Variants in CADM2 observed in about 807,000 individuals in gnomAD.
CADM2 encodes immunoglobulin superfamily member 4D.
Under a neutral mutation model 49.8 loss-of-function variants are expected in CADM2, and 12 were observed. The observed-to-expected ratio is 0.24, with a 90% CI of 0.15 to 0.39. CADM2 has a LOEUF of 0.39. CADM2 is among the 10% of genes least tolerant of loss of function. The probability of loss-of-function intolerance (pLI) is 1.00; values close to 1 mark genes in which losing one functional copy is unlikely to be tolerated. For synonymous variants in CADM2, 214 were observed against 175.4 expected (o/e 1.22, Z -1.74); for missense variants, 378 against 492.3 (o/e 0.77, Z 2.20).
intron 1 of CADM2, among the ~76,000 whole-genome samples, chr3:85,706,484 A>G (rs2066956133): frequency 6.6e-6 from 1 of 152,026 alleles, no homozygotes; most frequent in Admixed American, 6.6e-5. Context: ...CTAATGATAC[A>G]TTATGTTTTT....
At chr3:85,894,765 G>T (rs1457993249) in intron 5 of CADM2, among the ~76,000 whole-genome samples, 1 of 152,156 alleles carries the variant, frequency 6.6e-6, no homozygotes, top group Non-Finnish European at 1.5e-5. Context: ...GGCTAAAAGG[G>T]GCCAACTTAC....
chr3:85,453,228 A>T (rs564983747), intron 1 of CADM2, among the ~76,000 whole-genome samples: 4 of 152,024 alleles, frequency 2.6e-5, no homozygotes, highest in African/African-American at 9.6e-5. Context: ...TTATTATTTC[A>T]TGTAAGTATA....
At chr3:85,933,588 A>G (rs1021726793) in intron 6 of CADM2, among the ~76,000 whole-genome samples, 4 of 152,082 alleles carry the variant, frequency 2.6e-5, no homozygotes, top group African/African-American at 9.7e-5. Context: ...AAGGAGATTT[A>G]TTGTGAGGAA....
At chr3:85,752,388 A>T (rs1577228204) in intron 2 of CADM2, among the ~76,000 whole-genome samples, 1 of 86,640 alleles carries the variant, frequency 1.2e-5, no homozygotes, top group Non-Finnish European at 2.6e-5. Flanking sequence ...CAAATATAAG[A>T]TATGCAGCCC....
chr3:85,527,102 G>A (rs1283160631), intron 1 of CADM2, among the ~76,000 whole-genome samples: 2 of 152,000 alleles, frequency 1.3e-5, no homozygotes, highest in African/African-American at 4.8e-5. Flanking sequence ...CAGTTCTATA[G>A]AGGCCAGGCA....
chr3:85,334,700 G>A (rs927163101), intron 1 of CADM2, among the ~76,000 whole-genome samples: 1 of 151,346 alleles, frequency 6.6e-6, no homozygotes, highest in East Asian at 1.9e-4. Flanking sequence ...GCCTTAAGAA[G>A]GTTCTAAATC....
At chr3:85,941,466 G>T (rs1301242702) in intron 7 of CADM2, among the ~76,000 whole-genome samples, 1 of 151,972 alleles carries the variant, frequency 6.6e-6, no homozygotes, top group South Asian at 2.1e-4. Context: ...CAGCAACTTC[G>T]ATATTTTATT....
intron 1 of CADM2, among the ~76,000 whole-genome samples, chr3:85,044,081 C>T (rs2035554104): frequency 6.6e-6 from 1 of 151,982 alleles, no homozygotes; most frequent in East Asian, 1.9e-4. Context: ...GGGAAAGGAA[C>T]TAGATCATCC....
At chr3:85,269,891 A>G (rs1317899710) in intron 1 of CADM2, among the ~76,000 whole-genome samples, 1 of 151,332 alleles carries the variant, frequency 6.6e-6, no homozygotes, top group East Asian at 1.9e-4. Context: ...AAATGCTTCA[A>G]AATCGTACTA....
At chr3:85,245,005 C>T (rs1559740313) in intron 1 of CADM2, among the ~76,000 whole-genome samples, 1 of 152,090 alleles carries the variant, frequency 6.6e-6, no homozygotes, top group Non-Finnish European at 1.5e-5. Context: ...GTATTACTCT[C>T]AAGTCACGTA....
At chr3:85,864,336 G>A (rs750745684) in intron 3 of CADM2, among the ~76,000 whole-genome samples, 1 of 152,018 alleles carries the variant, frequency 6.6e-6, no homozygotes, top group African/African-American at 2.4e-5. Flanking sequence ...TTACATCAAC[G>A]GATTCAGTTT....
Position 86,013,802 on chromosome 3 carries a change from T to C in CADM2, c.971-51803T>C, listed in dbSNP as rs893990843. The C allele has an allele frequency of 2.5e-6, 4 of 1,589,228 alleles. No homozygotes were observed. The African/African-American group carries it at 5.4e-5, about 21-fold the overall frequency. ...TGATAACTGAGAAGTGGGGATTAAA[T>C]ATGAAGCATTGTCGTGGTCAGGCTT... is the stretch of plus-strand genomic sequence containing the variant. On this transcript the variant is annotated intron_variant, in intron 8 of 9. Coordinates refer to ENST00000383699, the MANE Select transcript of CADM2 (RefSeq NM_001167675.2).
chr3:85,598,968 TTTTA>T (rs1378177125), intron 1 of CADM2, among the ~76,000 whole-genome samples: 1 of 151,866 alleles, frequency 6.6e-6, no homozygotes, highest in African/African-American at 2.4e-5. Flanking sequence ...AAAATGCCCA[TTTTA>T]TTTGTTACCT....
At chr3:85,954,240 T>C (rs182552276) in intron 7 of CADM2, among the ~76,000 whole-genome samples, 1 of 151,154 alleles carries the variant, frequency 6.6e-6, no homozygotes, top group Non-Finnish European at 1.5e-5. Context: ...GCAATAATTT[T>C]TCAATAATTA....
intron 1 of CADM2, among the ~76,000 whole-genome samples, chr3:85,214,133 CAT>C (rs2041868777): frequency 6.6e-6 from 1 of 151,794 alleles, no homozygotes; most frequent in Admixed American, 6.6e-5. Flanking sequence ...TCACAGTAGC[CAT>C]ACCCACATTA....
At chr3:85,607,125 A>G (rs1253306751) in intron 1 of CADM2, among the ~76,000 whole-genome samples, 1 of 152,170 alleles carries the variant, frequency 6.6e-6, no homozygotes, top group Non-Finnish European at 1.5e-5. Flanking sequence ...CTTTTAAAAA[A>G]GAGAAAAAAA....
At position 85,822,520 on chromosome 3, in the gene CADM2, G is replaced by T. The variant is rs186381821; in HGVS notation, c.238+20324G>T. Among the ~76,000 whole-genome samples the T allele has an allele frequency of 2.6e-3, 401 of 152,094 alleles. 1 individual carries two copies. Among genetic ancestry groups the T allele is most frequent in the African/African-American group, 9.3e-3 (385 of 41,496 alleles). On this transcript the variant is annotated intron_variant, in intron 3 of 9. Coordinates refer to ENST00000383699, the MANE Select transcript of CADM2 (RefSeq NM_001167675.2). ...AATTGCTTGCACCTGGGGGGCGAAG[G>T]TTGCAATGATCTGAGATCACGCTAC...
chr3:85,713,212 C>G (rs1342558505), intron 1 of CADM2, among the ~76,000 whole-genome samples: 1 of 152,210 alleles, frequency 6.6e-6, no homozygotes, highest in East Asian at 1.9e-4. Context: ...ATTCTCCTGC[C>G]TCAGCCTCCC....
At chr3:85,397,850 A>C (rs2034871821) in intron 1 of CADM2, among the ~76,000 whole-genome samples, 1 of 152,238 alleles carries the variant, frequency 6.6e-6, no homozygotes, top group South Asian at 2.1e-4. Context: ...CATGACACTT[A>C]GAAATGGTTA....
Sources: gnomAD v4.1 joint callset for allele counts (sites outside exome capture counted in the v4.1 genomes callset) on GRCh38, gnomAD v4.1.1 for gene constraint, MANE v1.5 for transcripts, NCBI Gene and HGNC (gene_info 2026-07-23, HGNC 2026-07-21) for gene names.